WBP1L: variants seen among roughly 807,000 people sequenced by gnomAD.
The protein encoded by WBP1L is WW domain binding protein 1 like.
In WBP1L, 17 loss-of-function variants were observed where a neutral mutation model predicts 33.7. The observed-to-expected ratio is 0.50, with a 90% CI of 0.34 to 0.76. The LOEUF (loss-of-function observed/expected upper bound fraction) is 0.76, where lower values mean the gene tolerates loss of function less well. WBP1L is among the 30% of genes least tolerant of loss of function. WBP1L has a pLI of 0.01. For synonymous variants in WBP1L, 173 were observed against 190.8 expected, an observed-to-expected ratio of 0.91 and a Z score of 0.77; for missense variants, 389 against 469.4, an observed-to-expected ratio of 0.83 and a Z score of 1.58.
At chr10:102,783,607 C>T (rs879518644) in intron 1 of WBP1L, among the ~76,000 whole-genome samples, 1 of 152,202 alleles carries the variant, frequency 6.6e-6, no homozygotes, top group Non-Finnish European at 1.5e-5. Context: ...AAAACAGGGG[C>T]TCTAAACTGG....
chr10:102,776,546 C>A, intron 1 of WBP1L: 1 of 1,178,512 alleles, frequency 8.5e-7, no homozygotes, highest in Non-Finnish European at 1.3e-6. Flanking sequence ...AGCTCCCACA[C>A]AGAACTTTCC....
At chr10:102,759,527 C>T (rs1279769830) in intron 1 of WBP1L, among the ~76,000 whole-genome samples, 3 of 152,086 alleles carry the variant, frequency 2.0e-5, no homozygotes, top group African/African-American at 7.2e-5. Flanking sequence ...TACTCTTTGC[C>T]TACAAATTAA....
intron 1 of WBP1L, among the ~76,000 whole-genome samples, chr10:102,770,785 G>A (rs933078785): frequency 3.3e-4 from 51 of 152,328 alleles, no homozygotes; most frequent in African/African-American, 9.4e-4. Context: ...GTTCCAGAGC[G>A]CTGACCAGGG....
intron 1 of WBP1L, among the ~76,000 whole-genome samples, chr10:102,755,948 G>A (rs1200458867): frequency 6.6e-6 from 1 of 151,954 alleles, no homozygotes; most frequent in Non-Finnish European, 1.5e-5. Context: ...GGGAGGCTGA[G>A]GCAGGAGAAT....
At chr10:102,784,756 A>G (rs1017524259) in intron 1 of WBP1L, among the ~76,000 whole-genome samples, 3 of 150,858 alleles carry the variant, frequency 2.0e-5, no homozygotes, top group Non-Finnish European at 4.4e-5. Flanking sequence ...AGATGAGGTC[A>G]CGCTTTTTTG....
Position 102,813,090 on chromosome 10 carries a change from A to T in WBP1L, c.851A>T (p.Asp284Val). 6.2e-7 allele frequency: 1 copy of T among 1,613,912 alleles called. No individual in the cohort carries two copies. The highest frequency in any genetic ancestry group is 1.6e-4 in the Middle Eastern group (1 of 6,062). ...EVCVCNRGHHDDDLKEFNTLI... is the reference protein window; with the variant it reads ...EVCVCNRGHHVDDLKEFNTLI... ...TGTGTGTGCAACCGGGGCCACCATG[A>T]CGATGACCTCAAAGAGTTCAACACA... The change falls in exon 4 of 4, where the codon GAC (aspartate) becomes GTC (valine). Residue 284 changes from aspartate (D) to valine (V), a missense_variant. Asp to Val is a radical substitution (Grantham distance 152, BLOSUM62 -3). Coordinates refer to ENST00000448841, the MANE Select transcript of WBP1L (RefSeq NM_001083913.2).
chr10:102,810,392 T>G (rs1355011006), intron 3 of WBP1L, among the ~76,000 whole-genome samples: 2 of 47,082 alleles, frequency 4.2e-5, no homozygotes, highest in South Asian at 1.1e-3. Flanking sequence ...CCTCCCTCTT[T>G]CTCTCTTTCT....
intron 1 of WBP1L, among the ~76,000 whole-genome samples, chr10:102,768,004 C>T (rs1468354035): frequency 2.0e-5 from 3 of 152,254 alleles, no homozygotes; most frequent in South Asian, 2.1e-4. Context: ...CTCTGCTCTG[C>T]GTAGTGTGCT....
At chr10:102,799,251 G>A (rs952829335) in intron 2 of WBP1L, among the ~76,000 whole-genome samples, 8 of 152,030 alleles carry the variant, frequency 5.3e-5, no homozygotes, top group African/African-American at 1.9e-4. Flanking sequence ...ACTTGAACCC[G>A]GGAGGCGGAG....
intron 1 of WBP1L, among the ~76,000 whole-genome samples, chr10:102,797,437 T>A (rs548835273): frequency 6.6e-6 from 1 of 152,378 alleles, no homozygotes; most frequent in Non-Finnish European, 1.5e-5. Flanking sequence ...AAAACTTCAC[T>A]CTGCCAATTG....
intron 1 of WBP1L, among the ~76,000 whole-genome samples, chr10:102,779,190 G>A (rs891722841): frequency 3.3e-5 from 5 of 151,792 alleles, no homozygotes; most frequent in Non-Finnish European, 5.9e-5. Context: ...CAGCTTTTCA[G>A]GAGGCTGAGG....
In WBP1L at chr10:102,815,281, G is replaced by A. The variant is rs1343411609; in HGVS notation, c.*1950G>A. Reference sequence around the variant, plus strand: ...GAGGTTTTACTCTACTCATCACTGCGATTTGCACATTGCTCCGTGGACACT... The same window carrying A: ...GAGGTTTTACTCTACTCATCACTGCAATTTGCACATTGCTCCGTGGACACT... On this transcript the variant is annotated 3_prime_UTR_variant, in exon 4 of 4. Coordinates refer to ENST00000448841, the MANE Select transcript of WBP1L (RefSeq NM_001083913.2). 6.6e-6 allele frequency: 1 copy of A among 152,628 alleles called. No homozygotes were observed. The highest frequency in any genetic ancestry group is 1.5e-5 in the Non-Finnish European group (1 of 68,044). 9.5% of individuals were successfully genotyped at this position (152,628 alleles called of 1,614,324 possible). A position where few individuals can be genotyped will look rare whatever the true frequency, so the allele number is the denominator to read the frequency against.
At chr10:102,760,203 C>T (rs747293484) in intron 1 of WBP1L, among the ~76,000 whole-genome samples, 1 of 152,136 alleles carries the variant, frequency 6.6e-6, no homozygotes, top group South Asian at 2.1e-4. Flanking sequence ...TTATCTGACT[C>T]GGGGGCCAGA....
intron 1 of WBP1L, among the ~76,000 whole-genome samples, chr10:102,749,035 T>A (rs1006364658): frequency 6.6e-6 from 1 of 151,634 alleles, no homozygotes; most frequent in Non-Finnish European, 1.5e-5. Flanking sequence ...TGGGGGAGGC[T>A]CGAAAGAGAG....
Position 102,768,966 on chromosome 10 carries a change from GCT to G in WBP1L, c.90+24824_90+24825del, listed in dbSNP as rs1843150730. Among the ~76,000 whole-genome samples, 132 of 152,204 alleles carry G rather than the reference GCT, an allele frequency of 8.7e-4. 2 individuals are homozygous for G. Among genetic ancestry groups the G allele is most frequent in the Admixed American group, 8.6e-3 (132 of 15,276 alleles). The stretch of plus-strand genomic sequence containing the variant: ...GCCTCCCAAAGTGCTGAGATTACAG[GCT>G]TGAGCCATTGCGCTTGGCCTCGTTT... On this transcript the variant is annotated intron_variant, in intron 1 of 3. Transcript: ENST00000448841.
intron 1 of WBP1L, among the ~76,000 whole-genome samples, chr10:102,773,511 G>T (rs1843218179): frequency 7.2e-6 from 1 of 138,806 alleles, no homozygotes; most frequent in Non-Finnish European, 1.5e-5. Flanking sequence ...GATCATTTAG[G>T]TTGTATTTTT....
chr10:102,813,099 T>G lies in WBP1L; in HGVS notation c.860T>G (p.Leu287Arg). ...VCNRGHHDDD[L>R]KEFNTLIDDA... is the part of the protein sequence containing the mutation. ...AACCGGGGCCACCATGACGATGACC[T>G]CAAAGAGTTCAACACACTCATCGAT... is the stretch of plus-strand genomic sequence containing the variant. Residue 287 changes from leucine (L) to arginine (R), a missense_variant, in exon 4 of 4, where the codon CTC becomes CGC. Leu to Arg is a moderately radical substitution (Grantham distance 102). Transcript: ENST00000448841. 1.8e-5 allele frequency: 29 copies of G among 1,613,852 alleles called. No homozygotes were observed. Among genetic ancestry groups the G allele is most frequent in the Non-Finnish European group, 2.5e-5 (29 of 1,179,996 alleles).
In WBP1L at chr10:102,788,792, A is replaced by G. The variant is rs376173777; in HGVS notation, c.91-9201A>G. On this transcript the variant is annotated intron_variant, in intron 1 of 3. Transcript: ENST00000448841. The stretch of plus-strand genomic sequence containing the variant: ...TGCTTACTCTGCAAGAGCAGCCACA[A>G]CCTGGCTGGGGGGGATAAATAAAGG... Among the ~76,000 whole-genome samples the G allele has an allele frequency of 1.0e-3, 152 of 152,280 alleles. 1 individual carries two copies. The highest frequency in any genetic ancestry group is 3.5e-3 in the African/African-American group (145 of 41,560).
At chr10:102,775,500 TC>T (rs1843248007) in intron 1 of WBP1L, among the ~76,000 whole-genome samples, 1 of 152,202 alleles carries the variant, frequency 6.6e-6, no homozygotes, top group Non-Finnish European at 1.5e-5. Flanking sequence ...GATCTGCCTT[TC>T]TGGCAACTTG....
Sources: allele counts gnomAD v4.1 joint callset (sites outside exome capture counted in the v4.1 genomes callset), GRCh38; gene constraint gnomAD v4.1.1; transcripts MANE v1.5; gene names NCBI Gene and HGNC (gene_info 2026-07-23, HGNC 2026-07-21).